FBN2: variants seen among roughly 807,000 people sequenced by gnomAD.
The protein encoded by FBN2 is fibrillin-2.
In FBN2, 105 loss-of-function variants were observed where a neutral mutation model predicts 355.6. That is an observed-to-expected ratio of 0.30 (90% CI 0.25 to 0.35). The LOEUF (loss-of-function observed/expected upper bound fraction) is 0.35, where lower values mean the gene tolerates loss of function less well. FBN2 is among the 10% of genes least tolerant of loss of function. FBN2 has a pLI of 1.00. For missense variants in FBN2, 3,280 were observed against 3,758.7 expected (o/e 0.87, Z 3.33); for synonymous variants, 1,350 against 1,301.2 (o/e 1.04, Z -0.81).
intron 46 of FBN2, 97 bp downstream of exon 46, chr5:128,302,876 T>C: frequency 2.5e-6 from 2 of 785,246 alleles, no homozygotes; most frequent in Non-Finnish European, 4.5e-6. Context: ...GCAATTTTAG[T>C]AATATAATTT....
chr5:128,459,158 G>A (rs1754488987), intron 6 of FBN2, among the ~76,000 whole-genome samples: 1 of 152,158 alleles, frequency 6.6e-6, no homozygotes, highest in East Asian at 1.9e-4. Flanking sequence ...ACTACCATCA[G>A]AGAATACTAT....
At position 128,349,435 on chromosome 5, in the gene FBN2, T is replaced by C. The variant is rs185991527; in HGVS notation, c.2901A>G (p.Pro967=). The C allele has an allele frequency of 1.4e-5, 23 of 1,614,066 alleles. No individual in the cohort carries two copies. The highest frequency in any genetic ancestry group is 1.6e-5 in the Non-Finnish European group (19 of 1,179,958). The change falls in exon 23 of 65, where the codon CCA becomes CCG. Residue 967 remains proline, a synonymous_variant. Transcript: ENST00000262464. ...CCTTACTGTTGACACAGCGTCCATT[T>C]GGACAAACGCCAGGGAACACCTCAC... ...NECEVFPGVC[P]NGRCVNSKGS... is the part of the protein sequence containing the mutation.
chr5:128,274,646 C>A lies in FBN2; in HGVS notation c.7632G>T (p.Gln2544His), dbSNP rs1451291857. Residue 2544 changes from glutamine to histidine, a missense_variant, in exon 60 of 65, where the codon CAG (glutamine) becomes CAT (histidine). This residue lies in a region of FBN2 where 2,284 missense variants were observed against 2,749.5 expected (regional missense o/e 0.83). Coordinates refer to ENST00000262464, the MANE Select transcript of FBN2 (RefSeq NM_001999.4). ...CCCCCAGGGTGTTGACACAGAGGAA[C>A]TGGCAGTTATGCTGCTTTGTTTGAC... ...DECQTKQHNC[Q>H]FLCVNTLGGF... 6.2e-7 allele frequency: 1 copy of A among 1,613,146 alleles called. No homozygotes were observed. The highest frequency in any genetic ancestry group is 1.3e-5 in the African/African-American group (1 of 74,898).
At chr5:128,377,018 T>G (rs890686225) in intron 13 of FBN2, among the ~76,000 whole-genome samples, 165 bp from the exon 14 acceptor site, 3 of 152,102 alleles carry the variant, frequency 2.0e-5, no homozygotes, top group Non-Finnish European at 4.4e-5. Flanking sequence ...GAAAAAATAG[T>G]GCGGAGAGTG....
chr5:128,466,585 A>G (rs1446708993), intron 5 of FBN2, among the ~76,000 whole-genome samples: 2 of 152,256 alleles, frequency 1.3e-5, no homozygotes, highest in East Asian at 1.9e-4. Flanking sequence ...TTTGCTTTAA[A>G]GAAGAATGAG....
In FBN2 at chr5:128,383,439, G is replaced by A. The variant is rs777220573; in HGVS notation, c.1604-4549C>T. Reference sequence around the variant, plus strand: ...ATTTCCTAGACACAACATCAAAAGCGTGATCCATAAAACAACAAATTTAAT... The same window carrying A: ...ATTTCCTAGACACAACATCAAAAGCATGATCCATAAAACAACAAATTTAAT... On this transcript the variant is annotated intron_variant, in intron 11 of 64. Coordinates refer to ENST00000262464, the MANE Select transcript of FBN2 (RefSeq NM_001999.4). 7.9e-5 allele frequency among the ~76,000 whole-genome samples: 12 copies of A among 152,084 alleles called. 1 individual carries two copies. The highest frequency in any genetic ancestry group is 6.2e-4 in the South Asian group (3 of 4,812).
intron 14 of FBN2, among the ~76,000 whole-genome samples, chr5:128,376,052 A>T (rs1472059576): frequency 2.0e-5 from 3 of 152,110 alleles, no homozygotes; most frequent in African/African-American, 4.8e-5. Context: ...AAATAAATTT[A>T]AAAAAGAAAA....
At chr5:128,520,021 A>G (rs906668702) in intron 4 of FBN2, among the ~76,000 whole-genome samples, 5 of 151,062 alleles carry the variant, frequency 3.3e-5, no homozygotes, top group Non-Finnish European at 7.4e-5. Flanking sequence ...AAAAAAAGGG[A>G]AAAAAAGCTG....
intron 18 of FBN2, among the ~76,000 whole-genome samples, chr5:128,363,361 T>C (rs1398031560): frequency 2.0e-5 from 3 of 152,206 alleles, no homozygotes; most frequent in Admixed American, 6.5e-5. Flanking sequence ...AGCTAATTTT[T>C]GTATTTTTTA....
In FBN2 at chr5:128,405,677, T is replaced by A. The variant is rs535171169; in HGVS notation, c.1078+2997A>T. ...AAAGAAGTAATTTAGAAATGGGGAA[T>A]AAAACGCTGAAACTTGTTTTGGCAA... On this transcript the variant is annotated intron_variant, in intron 8 of 64. Transcript: ENST00000262464. Among the ~76,000 whole-genome samples the A allele has an allele frequency of 4.6e-5, 7 of 152,294 alleles. No individual in the cohort carries two copies. The South Asian group carries it at 1.2e-3, about 27-fold the overall frequency.
intron 7 of FBN2, among the ~76,000 whole-genome samples, chr5:128,429,932 G>C (rs1753576175): frequency 6.6e-6 from 1 of 152,114 alleles, no homozygotes; most frequent in Non-Finnish European, 1.5e-5. Context: ...CAAGTTTTCT[G>C]TTACAAAACA....
chr5:128,459,321 C>T (rs1453950041), intron 6 of FBN2, among the ~76,000 whole-genome samples: 1 of 152,024 alleles, frequency 6.6e-6, no homozygotes, highest in Non-Finnish European at 1.5e-5. Flanking sequence ...AGCCTACCAA[C>T]CAAAAAAACC....
chr5:128,367,711 T>C (rs754552633), intron 16 of FBN2, among the ~76,000 whole-genome samples: 6 of 152,140 alleles, frequency 3.9e-5, no homozygotes, highest in Non-Finnish European at 5.9e-5. Context: ...CCAAAATGCT[T>C]TGTTATATCC....
intron 62 of FBN2, among the ~76,000 whole-genome samples, chr5:128,266,369 T>G (rs1001461750): frequency 2.0e-5 from 3 of 152,234 alleles, no homozygotes; most frequent in Admixed American, 6.5e-5. Context: ...GGACTCATCT[T>G]AAACCATTTA....
At chr5:128,493,699 G>A (rs932341941) in intron 5 of FBN2, among the ~76,000 whole-genome samples, 9 of 152,166 alleles carry the variant, frequency 5.9e-5, no homozygotes, top group Non-Finnish European at 1.2e-4. Flanking sequence ...TCTGAAGGCT[G>A]TGTGATACTG....
At chr5:128,351,076 A>C (rs1581234942) in intron 20 of FBN2, 71 bp from the exon 21 acceptor site, 1 of 1,567,596 alleles carries the variant, frequency 6.4e-7, no homozygotes, top group Non-Finnish European at 8.8e-7. Flanking sequence ...TGTACACAAA[A>C]GGCATTTGTT....
At chr5:128,500,272 AAACT>A (rs1755771256) in intron 5 of FBN2, among the ~76,000 whole-genome samples, 1 of 151,262 alleles carries the variant, frequency 6.6e-6, no homozygotes, top group East Asian at 1.9e-4. Context: ...AGGTCAAATG[AAACT>A]AACAACACTT....
intron 5 of FBN2, among the ~76,000 whole-genome samples, chr5:128,495,048 G>C (rs1755618786): frequency 6.6e-6 from 1 of 152,024 alleles, no homozygotes; most frequent in Admixed American, 6.5e-5. Context: ...GAAAAAACAA[G>C]GTTTACTGAC....
At position 128,536,444 on chromosome 5, in the gene FBN2, G is replaced by A. The variant is rs1756849074; in HGVS notation, c.295C>T (p.Pro99Ser). The A allele has an allele frequency of 1.9e-6, 3 of 1,613,980 alleles. No individual in the cohort carries two copies. Among genetic ancestry groups the A allele is most frequent in the Non-Finnish European group, 2.5e-6 (3 of 1,180,020 alleles). The change falls in exon 2 of 65, where the codon CCT becomes TCT. Residue 99 changes from proline (P) to serine (S), a missense_variant. By Grantham distance (74) the Pro-to-Ser change is moderately conservative. Transcript: ENST00000262464. ...CCTCCAGGGAGCGTCTTCCATCCAG[G>A]GCAGCAGTAGGAGTGGAATCTGGAG... ...CGSRFHSYCC[P>S]GWKTLPGGNQ...
Sources: gnomAD v4.1 joint callset for allele counts (sites outside exome capture counted in the v4.1 genomes callset) on GRCh38, gnomAD v4.1.1 for gene constraint, gnomAD v4.1.1 regional missense constraint, MANE v1.5 for transcripts, NCBI Gene and HGNC (gene_info 2026-07-23, HGNC 2026-07-21) for gene names.